The following MPPED2 variants were observed in gnomAD, a reference collection of about 807,000 sequenced individuals.
MPPED2 encodes the protein metallophosphoesterase MPPED2.
Under a neutral mutation model 33.0 loss-of-function variants are expected in MPPED2, and 5 were observed. The ratio of observed to expected loss-of-function variants is 0.15; its 90% confidence interval spans 0.08 to 0.32. The LOEUF (loss-of-function observed/expected upper bound fraction) is 0.32, where lower values mean the gene tolerates loss of function less well. Among genes scored for constraint, MPPED2 ranks in the 10% least tolerant of loss-of-function variants. The pLI is 1.00. For missense variants in MPPED2, 275 were observed against 372.1 expected (o/e 0.74, Z 2.15); for synonymous variants, 136 against 141.9 (o/e 0.96, Z 0.29).
intron 4 of MPPED2, among the ~76,000 whole-genome samples, chr11:30,461,644 C>T (rs1400739848): frequency 2.0e-5 from 3 of 151,772 alleles, no homozygotes; most frequent in African/African-American, 7.3e-5. Flanking sequence ...ACCTTACAGT[C>T]CAAAGTTCAG....
chr11:30,544,596 C>T (rs544707159), intron 2 of MPPED2, among the ~76,000 whole-genome samples: 1 of 150,230 alleles, frequency 6.7e-6, no homozygotes, highest in Non-Finnish European at 1.5e-5. Context: ...TTATTGAGCA[C>T]CTTTTATGGG....
chr11:30,391,036 G>A (rs1183125143), intron 6 of MPPED2, among the ~76,000 whole-genome samples: 1 of 152,166 alleles, frequency 6.6e-6, no homozygotes, highest in African/African-American at 2.4e-5. Flanking sequence ...ATAGTGCACA[G>A]GGGCCTGGAT....
intron 4 of MPPED2, among the ~76,000 whole-genome samples, chr11:30,449,559 C>T (rs928346870): frequency 1.9e-4 from 28 of 147,866 alleles, no homozygotes; most frequent in African/African-American, 6.7e-4. Context: ...GGGAGGACTA[C>T]CTGAGCCCGG....
chr11:30,535,853 G>T (rs1035161833), intron 3 of MPPED2, 141 bp downstream of exon 3: 2 of 587,020 alleles, frequency 3.4e-6, no homozygotes, highest in African/African-American at 1.9e-5. Context: ...TAACAGAATT[G>T]GATTAAAGCT....
At position 30,521,767 on chromosome 11, in the gene MPPED2, A is replaced by G. The variant is rs913909777; in HGVS notation, c.310+14227T>C. Among the ~76,000 whole-genome samples, 6 of 152,314 alleles carry G rather than the reference A, an allele frequency of 3.9e-5. No homozygotes were observed. The South Asian group carries it at 8.3e-4, about 21-fold the overall frequency. Reference sequence around the variant, plus strand: ...CGTTTCCACGTGGCTACTAGTCTCCAGGATCCTGGAGTCCCACCCTTCTTG... The same window carrying G: ...CGTTTCCACGTGGCTACTAGTCTCCGGGATCCTGGAGTCCCACCCTTCTTG... On this transcript the variant is annotated intron_variant, in intron 3 of 6. Coordinates refer to ENST00000358117, the MANE Select transcript of MPPED2 (RefSeq NM_001584.3).
intron 2 of MPPED2, among the ~76,000 whole-genome samples, chr11:30,557,176 C>A (rs376686154): frequency 7.0e-6 from 1 of 143,882 alleles, no homozygotes. Context: ...ATTCAATGAG[C>A]GAATGAATAA....
chr11:30,553,491 T>TCAAA (rs1275903809), intron 2 of MPPED2, among the ~76,000 whole-genome samples: 1 of 152,200 alleles, frequency 6.6e-6, no homozygotes, highest in African/African-American at 2.4e-5. Flanking sequence ...TTCTTATGGT[T>TCAAA]CAAACAAACA....
intron 4 of MPPED2, among the ~76,000 whole-genome samples, chr11:30,493,257 G>C (rs554340121): frequency 4.0e-5 from 6 of 151,876 alleles, no homozygotes; most frequent in Middle Eastern, 6.9e-3. Flanking sequence ...TGTAGTCCCA[G>C]CTACTCGGGA....
chr11:30,405,914 A>G (rs568416669), downstream of MPPED2, among the ~76,000 whole-genome samples: 11 of 152,270 alleles, frequency 7.2e-5, no homozygotes, highest in East Asian at 2.1e-3. Context: ...TGAGGCTGAG[A>G]GAAATAAAAG....
intron 2 of MPPED2, among the ~76,000 whole-genome samples, chr11:30,560,315 A>AG (rs1956182632): frequency 6.6e-6 from 1 of 151,762 alleles, no homozygotes; most frequent in Non-Finnish European, 1.5e-5. Flanking sequence ...TTTTTTTTAA[A>AG]AAAAAAAAAT....
chr11:30,473,617 G>A (rs1330873519), intron 4 of MPPED2, among the ~76,000 whole-genome samples: 3 of 151,518 alleles, frequency 2.0e-5, no homozygotes, highest in African/African-American at 7.3e-5. Flanking sequence ...GATATGAGCT[G>A]GACCTAGTGA....
intron 3 of MPPED2, chr11:30,504,866 C>T: frequency 8.5e-7 from 1 of 1,169,688 alleles, no homozygotes; most frequent in East Asian, 5.7e-5. Context: ...AACTATATTA[C>T]AATAATGTCA....
rs560643798 is a variant in MPPED2, at chr11:30,414,419, A to G, written c.653-78T>C. ...TCATTTAGACTTTCAGGAAGCCATAACTCACAGAAGGTTTATTACATTATC... is the reference window on the plus strand; with the variant it reads ...TCATTTAGACTTTCAGGAAGCCATAGCTCACAGAAGGTTTATTACATTATC... On this transcript the variant is annotated intron_variant, in intron 5 of 6. Transcript: ENST00000358117. The G allele has an allele frequency of 7.3e-5, 67 of 916,744 alleles. 1 individual carries two copies. In the South Asian group the frequency reaches 8.9e-4, roughly 12 times the overall value. The allele number at this position is 916,744 out of a possible 1,614,324, so 56.8% of individuals were successfully genotyped here.
chr11:30,501,888 T>C lies in MPPED2; in HGVS notation c.311-6367A>G, dbSNP rs555140295. Among the ~76,000 whole-genome samples, 4 of 152,294 alleles carry C rather than the reference T, an allele frequency of 2.6e-5. No individual in the cohort carries two copies. The East Asian group carries it at 7.7e-4, about 29-fold the overall frequency. On this transcript the variant is annotated intron_variant, in intron 3 of 6. Transcript: ENST00000358117. ...AATGGCTCTGATGAATCACAACACA[T>C]GAACCCCTAAGGGTCCTCCAAGACA... is the stretch of plus-strand genomic sequence containing the variant.
rs555588719 is a variant in MPPED2 at position 30,580,145 on chromosome 11, C to T, written c.128+101G>A. Reference sequence around the variant, plus strand: ...ATCCATCTGATTTGTAAATCATTTACCTTTTAGTCTCCCTAGCAGAAGTTA... The same window carrying T: ...ATCCATCTGATTTGTAAATCATTTATCTTTTAGTCTCCCTAGCAGAAGTTA... On this transcript the variant is annotated intron_variant, in intron 2 of 6. Coordinates refer to ENST00000358117, the MANE Select transcript of MPPED2 (RefSeq NM_001584.3). The T allele has an allele frequency of 2.2e-5, 26 of 1,173,038 alleles. No homozygotes were observed. The South Asian group carries it at 2.4e-4, about 11-fold the overall frequency. The allele number at this position is 1,173,038 out of a possible 1,614,324, so 72.7% of individuals were successfully genotyped here.
intron 4 of MPPED2, among the ~76,000 whole-genome samples, chr11:30,467,455 G>C (rs1336980956): frequency 2.6e-5 from 4 of 152,282 alleles, no homozygotes; most frequent in Admixed American, 2.0e-4. Context: ...CCAAGCCCAA[G>C]TCAGTGAAAA....
intron 3 of MPPED2, among the ~76,000 whole-genome samples, chr11:30,532,167 T>C (rs1467490924): frequency 6.6e-6 from 1 of 152,246 alleles, no homozygotes; most frequent in Non-Finnish European, 1.5e-5. Flanking sequence ...AGACAATACA[T>C]GTTAATACAT....
At chr11:30,463,159 C>A (rs564936851) in intron 4 of MPPED2, among the ~76,000 whole-genome samples, 32 of 152,248 alleles carry the variant, frequency 2.1e-4, no homozygotes, top group Non-Finnish European at 4.3e-4. Flanking sequence ...AAGGTTTTCT[C>A]GGCTATCCAC....
At chr11:30,479,378 C>A (rs1028184887) in intron 4 of MPPED2, among the ~76,000 whole-genome samples, 18 of 151,996 alleles carry the variant, frequency 1.2e-4, no homozygotes, top group Non-Finnish European at 2.6e-4. Flanking sequence ...TTAGCTACTG[C>A]TTCATATCAA....
Sources: allele counts gnomAD v4.1 joint callset (sites outside exome capture counted in the v4.1 genomes callset), GRCh38; gene constraint gnomAD v4.1.1; transcripts MANE v1.5; gene names NCBI Gene and HGNC (gene_info 2026-07-23, HGNC 2026-07-21).